The following GLI3 variants were observed in gnomAD, a reference collection of about 807,000 sequenced individuals.
GLI3 encodes transcription activator GLI3.
Under a neutral mutation model 100.8 loss-of-function variants are expected in GLI3, and 20 were observed. The observed-to-expected ratio is 0.20, with a 90% CI of 0.14 to 0.29. GLI3 has a LOEUF of 0.29. Among genes scored for constraint, GLI3 ranks in the 10% least tolerant of loss-of-function variants. The pLI is 1.00. For synonymous variants in GLI3, 938 were observed against 860.5 expected (o/e 1.09, Z -1.58); for missense variants, 2,040 against 2,128.5 (o/e 0.96, Z 0.82).
intron 2 of GLI3, among the ~76,000 whole-genome samples, chr7:42,180,307 C>T (rs958423482): frequency 2.6e-5 from 4 of 152,158 alleles, no homozygotes; most frequent in African/African-American, 9.7e-5. Flanking sequence ...GACAAGGCAG[C>T]TTTTGTGGAA....
intron 6 of GLI3, among the ~76,000 whole-genome samples, chr7:42,043,470 C>G (rs1178196606): frequency 6.6e-6 from 1 of 152,180 alleles, no homozygotes; most frequent in Non-Finnish European, 1.5e-5. Context: ...CCCAGTTCTT[C>G]ACTGATCATA....
At chr7:42,113,450 C>G in intron 3 of GLI3, 1 of 740,284 alleles carries the variant, frequency 1.4e-6, no homozygotes, top group East Asian at 2.6e-5. Flanking sequence ...ACAAAGTTGT[C>G]TGCTAAACCT....
intron 3 of GLI3, among the ~76,000 whole-genome samples, chr7:42,114,260 G>C (rs1256374655): frequency 2.0e-5 from 3 of 152,200 alleles, no homozygotes; most frequent in Non-Finnish European, 2.9e-5. Flanking sequence ...ACCCTGTTCA[G>C]AGCATCAGAT....
Position 42,026,218 on chromosome 7 carries a change from C to G in GLI3, c.1223G>C (p.Gly408Ala), listed in dbSNP as rs1178764177. Reference sequence around the variant, plus strand: ...TCTCACCTGTGAGGACTCAGAAGGGCCGGAGCTGACCTGGACGGGGTTCAG... The same window carrying G: ...TCTCACCTGTGAGGACTCAGAAGGGGCGGAGCTGACCTGGACGGGGTTCAG... ...TVLNPVQVSS[G>A]PSESSQNKPT... Residue 408 changes from glycine to alanine, a missense_variant, in exon 8 of 15, where the codon GGC (glycine) becomes GCC (alanine). By Grantham distance (60) the Gly-to-Ala change is moderately conservative. Coordinates refer to ENST00000395925, the MANE Select transcript of GLI3 (RefSeq NM_000168.6). 6.2e-7 allele frequency: 1 copy of G among 1,612,982 alleles called. No homozygotes were observed. The highest frequency in any genetic ancestry group is 1.1e-5 in the South Asian group (1 of 90,800).
intron 3 of GLI3, among the ~76,000 whole-genome samples, chr7:42,121,189 C>T (rs1785989907): frequency 1.3e-5 from 2 of 152,170 alleles, no homozygotes; most frequent in Admixed American, 1.3e-4. Flanking sequence ...AATTGTTCTA[C>T]GTAATACTCC....
rs182212839 is a variant in GLI3, at chr7:42,206,282, T to C, written c.124+16848A>G. Among the ~76,000 whole-genome samples the C allele has an allele frequency of 3.7e-3, 561 of 150,764 alleles. 17 individuals are homozygous for C. Among genetic ancestry groups the C allele is most frequent in the Admixed American group, 0.029 (440 of 15,126 alleles). On this transcript the variant is annotated intron_variant, in intron 2 of 14. Transcript: ENST00000395925. ...GACCCCATCTAAAAAATAATAATAATAATAATAACAATAATAATAATAATA... is the reference window on the plus strand; with the variant it reads ...GACCCCATCTAAAAAATAATAATAACAATAATAACAATAATAATAATAATA...
chr7:42,069,829 A>C (rs1254003023), intron 4 of GLI3, among the ~76,000 whole-genome samples: 1 of 152,194 alleles, frequency 6.6e-6, no homozygotes, highest in African/African-American at 2.4e-5. Flanking sequence ...TGTTCCAATA[A>C]AACTTTATTG....
At chr7:42,165,004 G>A (rs537495234) in intron 2 of GLI3, among the ~76,000 whole-genome samples, 3 of 151,610 alleles carry the variant, frequency 2.0e-5, no homozygotes, top group Non-Finnish European at 4.4e-5. Flanking sequence ...GCCAGGAGCA[G>A]CGACACGTGC....
intron 10 of GLI3, among the ~76,000 whole-genome samples, chr7:41,991,069 T>G (rs780481060): frequency 2.6e-5 from 4 of 152,188 alleles, no homozygotes; most frequent in Non-Finnish European, 5.9e-5. Context: ...TTATTTATGA[T>G]ATGACAGTTA....
chr7:42,104,069 G>A (rs1785523899), intron 3 of GLI3, among the ~76,000 whole-genome samples: 1 of 152,078 alleles, frequency 6.6e-6, no homozygotes, highest in African/African-American at 2.4e-5. Flanking sequence ...TTTGTTTGGT[G>A]CCCTGTACAA....
chr7:42,221,590 A>G (rs573980696), intron 2 of GLI3, among the ~76,000 whole-genome samples: 1 of 152,184 alleles, frequency 6.6e-6, no homozygotes, highest in Non-Finnish European at 1.5e-5. Flanking sequence ...ACTCACGCAA[A>G]CTATAAAGAT....
chr7:42,249,291 T>C (rs551798079), intron 1 of GLI3, among the ~76,000 whole-genome samples: 5 of 152,300 alleles, frequency 3.3e-5, no homozygotes, highest in African/African-American at 1.2e-4. Context: ...GGGGCTGTGT[T>C]CCTGTAATCT....
chr7:42,051,277 G>A (rs2128743504), intron 4 of GLI3, among the ~76,000 whole-genome samples: 1 of 152,300 alleles, frequency 6.6e-6, no homozygotes, highest in South Asian at 2.1e-4. Context: ...CAAGCAGTGG[G>A]ACTCAATGTG....
chr7:41,977,614 C>T lies in GLI3; in HGVS notation c.1756G>A (p.Ala586Thr). Reference sequence around the variant, plus strand: ...GCGCGATCAGAGGCATTTGAGAAAGCCTTGTTGCAACCTTCGTGCTCACAG... The same window carrying T: ...GCGCGATCAGAGGCATTTGAGAAAGTCTTGTTGCAACCTTCGTGCTCACAG... ...YVCEHEGCNK[A>T]FSNASDRAKH... The change falls in exon 12 of 15, where the codon GCT becomes ACT. Residue 586 changes from alanine to threonine, a missense_variant. Transcript: ENST00000395925. 1 of 1,614,210 alleles carries T rather than the reference C, an allele frequency of 6.2e-7. No homozygotes were observed. Among genetic ancestry groups the T allele is most frequent in the Non-Finnish European group, 8.5e-7 (1 of 1,180,024 alleles).
chr7:42,147,678 C>T (rs558164416), intron 3 of GLI3, among the ~76,000 whole-genome samples: 16 of 152,172 alleles, frequency 1.1e-4, no homozygotes, highest in African/African-American at 2.2e-4. Flanking sequence ...GTGTCTGGCA[C>T]GCTGGTTAGA....
intron 7 of GLI3, among the ~76,000 whole-genome samples, chr7:42,035,880 G>A (rs1789424789): frequency 6.6e-6 from 1 of 152,180 alleles, no homozygotes; most frequent in Admixed American, 6.5e-5. Flanking sequence ...TAGATGGGGA[G>A]TCTTCCAGGT....
At chr7:42,150,264 T>C (rs1786822813) in intron 2 of GLI3, 1 of 152,230 alleles carries the variant, frequency 6.6e-6, no homozygotes, top group Non-Finnish European at 1.5e-5. Context: ...ATTCATACCA[T>C]GCTCCTTGCA....
chr7:42,078,362 G>A (rs1253139657), intron 3 of GLI3, among the ~76,000 whole-genome samples: 2 of 152,072 alleles, frequency 1.3e-5, no homozygotes, highest in African/African-American at 2.4e-5. Context: ...TTTTGTCCCT[G>A]CTGCCTTCAA....
intron 3 of GLI3, among the ~76,000 whole-genome samples, chr7:42,146,236 T>TCAAAA (rs777526182): frequency 4.2e-4 from 64 of 152,184 alleles, no homozygotes; most frequent in Non-Finnish European, 6.9e-4. Flanking sequence ...TGCTGTAACC[T>TCAAAA]CAAAACAGAG....
Sources: gnomAD v4.1 joint callset for allele counts (sites outside exome capture counted in the v4.1 genomes callset) on GRCh38, gnomAD v4.1.1 for gene constraint, MANE v1.5 for transcripts, NCBI Gene and HGNC (gene_info 2026-07-23, HGNC 2026-07-21) for gene names.